SLIT3: variants seen among roughly 807,000 people sequenced by gnomAD.
The protein encoded by SLIT3 is slit guidance ligand 3.
Under a neutral mutation model 184.0 loss-of-function variants are expected in SLIT3, and 68 were observed. The ratio of observed to expected loss-of-function variants is 0.37; its 90% confidence interval spans 0.30 to 0.45. SLIT3 has a LOEUF of 0.45. Among genes scored for constraint, SLIT3 ranks in the 20% least tolerant of loss-of-function variants. The pLI is 1.00. For synonymous variants in SLIT3, 831 were observed against 828.6 expected (o/e 1.00, Z -0.05); for missense variants, 1,707 against 2,026.0 (o/e 0.84, Z 3.02).
chr5:168,674,351 T>G (rs1761343296), intron 32 of SLIT3, among the ~76,000 whole-genome samples: 1 of 152,176 alleles, frequency 6.6e-6, no homozygotes. Flanking sequence ...CCACACTTTT[T>G]GAGTACCCAC....
In SLIT3 at chr5:168,869,505, G is replaced by A. The variant is rs76090366; in HGVS notation, c.485+13760C>T. 8.3e-3 allele frequency among the ~76,000 whole-genome samples: 1,264 copies of A among 152,286 alleles called. 17 individuals are homozygous for A. Among genetic ancestry groups the A allele is most frequent in the African/African-American group, 0.029 (1,218 of 41,568 alleles). ...TTGACAAAAGCTTATTGCCTACTAA[G>A]AAGGAAAGTCTCTGAGGCTTCATTC... On this transcript the variant is annotated intron_variant, in intron 5 of 35. Transcript: ENST00000519560.
At chr5:168,972,131 G>A (rs535752890) in intron 4 of SLIT3, among the ~76,000 whole-genome samples, 1 of 152,308 alleles carries the variant, frequency 6.6e-6, no homozygotes, top group East Asian at 1.9e-4. Context: ...CCAGTGAGAA[G>A]ACCTGGAGAG....
chr5:169,085,041 C>CA (rs1759234679), intron 4 of SLIT3, among the ~76,000 whole-genome samples: 2 of 152,222 alleles, frequency 1.3e-5, no homozygotes, highest in African/African-American at 4.8e-5. Context: ...ACAGCAGCAA[C>CA]ACGTGGAGGA....
intron 20 of SLIT3, among the ~76,000 whole-genome samples, chr5:168,747,295 G>C (rs576001052): frequency 1.3e-5 from 2 of 152,260 alleles, no homozygotes; most frequent in East Asian, 3.9e-4. Flanking sequence ...TTTCACAGTT[G>C]TCACTTCGCA....
At chr5:169,074,392 G>A (rs1265294234) in intron 4 of SLIT3, among the ~76,000 whole-genome samples, 3 of 152,216 alleles carry the variant, frequency 2.0e-5, no homozygotes, top group East Asian at 1.9e-4. Flanking sequence ...TACAACTCAG[G>A]TATAAATGAC....
At chr5:169,067,956 A>C (rs1037202805) in intron 4 of SLIT3, among the ~76,000 whole-genome samples, 8 of 152,248 alleles carry the variant, frequency 5.3e-5, no homozygotes, top group Non-Finnish European at 8.8e-5. Context: ...AGCTGCTTTT[A>C]ATCACAATAA....
At chr5:168,885,166 G>C (rs1012874139) in intron 4 of SLIT3, among the ~76,000 whole-genome samples, 1 of 152,168 alleles carries the variant, frequency 6.6e-6, no homozygotes, top group Non-Finnish European at 1.5e-5. Context: ...GAAACTTGAC[G>C]ATCATCTGGG....
chr5:169,238,298 T>C (rs1005816968), intron 3 of SLIT3, among the ~76,000 whole-genome samples: 1 of 152,164 alleles, frequency 6.6e-6, no homozygotes, highest in Admixed American at 6.6e-5. Context: ...TTCAGACTTA[T>C]GTTGTACTCT....
At chr5:168,943,667 G>A (rs1023607737) in intron 4 of SLIT3, among the ~76,000 whole-genome samples, 24 of 152,352 alleles carry the variant, frequency 1.6e-4, no homozygotes, top group Non-Finnish European at 3.2e-4. Context: ...GAAGCATTAT[G>A]CAAGTGCAAG....
At chr5:169,185,484 G>C (rs1234998168) in intron 4 of SLIT3, among the ~76,000 whole-genome samples, 1 of 152,190 alleles carries the variant, frequency 6.6e-6, no homozygotes, top group Non-Finnish European at 1.5e-5. Context: ...TGGTTTTTCT[G>C]TTGTGCTATT....
At chr5:168,839,295 G>A (rs1758159754) in intron 6 of SLIT3, among the ~76,000 whole-genome samples, 2 of 152,132 alleles carry the variant, frequency 1.3e-5, no homozygotes, top group Admixed American at 1.3e-4. Context: ...CCAGCACTGT[G>A]CTGGCCACAC....
At chr5:169,135,389 T>C (rs1761465226) in intron 4 of SLIT3, among the ~76,000 whole-genome samples, 1 of 152,006 alleles carries the variant, frequency 6.6e-6, no homozygotes, top group East Asian at 1.9e-4. Context: ...TGGGATTACA[T>C]ACGTGAGCCA....
intron 30 of SLIT3, 60 bp downstream of exon 30, chr5:168,686,919 G>T (rs557653220): frequency 2.5e-6 from 4 of 1,592,636 alleles, no homozygotes; most frequent in African/African-American, 2.7e-5. Flanking sequence ...TAGCCAGTCA[G>T]CCCCAGCCCC....
intron 4 of SLIT3, among the ~76,000 whole-genome samples, chr5:169,054,467 C>T (rs560803664): frequency 6.6e-6 from 1 of 152,240 alleles, no homozygotes; most frequent in East Asian, 1.9e-4. Flanking sequence ...TTTGTTTCTG[C>T]AGCCCTAGGA....
chr5:168,992,930 C>T (rs1755381322), intron 4 of SLIT3: 2 of 152,160 alleles, frequency 1.3e-5, no homozygotes, highest in Non-Finnish European at 1.5e-5. Context: ...TAGCAAAGGC[C>T]CTTTACACGC....
intron 4 of SLIT3, among the ~76,000 whole-genome samples, chr5:169,016,891 T>C (rs1430328922): frequency 6.6e-6 from 1 of 152,190 alleles, no homozygotes; most frequent in African/African-American, 2.4e-5. Flanking sequence ...TTTACACATA[T>C]TGCTACTTGA....
chr5:169,120,329 T>G (rs1214489128), intron 4 of SLIT3: 2 of 152,102 alleles, frequency 1.3e-5, no homozygotes, highest in African/African-American at 4.8e-5. Flanking sequence ...GTGATTTCTG[T>G]CTAGTGCCAT....
chr5:169,207,877 G>A (rs192716501), intron 3 of SLIT3, among the ~76,000 whole-genome samples: 7 of 152,262 alleles, frequency 4.6e-5, no homozygotes, highest in East Asian at 3.9e-4. Flanking sequence ...GCTAGAAGGC[G>A]CCATCTATGA....
intron 4 of SLIT3, among the ~76,000 whole-genome samples, chr5:168,980,519 C>T (rs985652706): frequency 3.9e-5 from 6 of 152,162 alleles, no homozygotes; most frequent in African/African-American, 1.4e-4. Context: ...AGTGGCAGAG[C>T]AAAGATTAGG....
Sources: allele counts gnomAD v4.1 joint callset (sites outside exome capture counted in the v4.1 genomes callset), GRCh38; gene constraint gnomAD v4.1.1; transcripts MANE v1.5; gene names NCBI Gene and HGNC (gene_info 2026-07-23, HGNC 2026-07-21).